The following AP3S2 variants were observed in gnomAD, a reference collection of about 807,000 sequenced individuals.
AP3S2 encodes the protein AP-3 complex subunit sigma-2.
In AP3S2, 22 loss-of-function variants were observed where a neutral mutation model predicts 23.4. The ratio of observed to expected loss-of-function variants is 0.94; its 90% CI spans 0.67 to 1.34. AP3S2 has a LOEUF of 1.34. AP3S2 is among the 40% of genes most tolerant of loss of function. The probability of loss-of-function intolerance (pLI) is 0.00; values close to 1 mark genes in which losing one functional copy is unlikely to be tolerated. For synonymous variants in AP3S2, 86 were observed against 87.1 expected (o/e 0.99, Z 0.07); for missense variants, 241 against 236.9 (o/e 1.02, Z -0.11).
intron 4 of AP3S2, among the ~76,000 whole-genome samples, chr15:89,839,856 T>C (rs1895285460): frequency 6.6e-6 from 1 of 152,158 alleles, no homozygotes; most frequent in Admixed American, 6.5e-5. Flanking sequence ...TTCTTTTTTT[T>C]TTTTTCATCT....
At chr15:89,879,742 A>C (rs1896526429) in intron 3 of AP3S2, among the ~76,000 whole-genome samples, 1 of 151,984 alleles carries the variant, frequency 6.6e-6, no homozygotes, top group African/African-American at 2.4e-5. Context: ...AGTAGCTGGG[A>C]CTACAGGCAC....
intron 4 of AP3S2, among the ~76,000 whole-genome samples, chr15:89,855,822 C>T (rs1438093615): frequency 6.9e-6 from 1 of 145,798 alleles, no homozygotes; most frequent in African/African-American, 2.5e-5. Context: ...TGCACTCCAG[C>T]CTGGGCAACA....
intron 4 of AP3S2, among the ~76,000 whole-genome samples, chr15:89,853,493 C>A (rs1409799336): frequency 6.6e-6 from 1 of 152,076 alleles, no homozygotes; most frequent in Non-Finnish European, 1.5e-5. Flanking sequence ...TAAATGGTAC[C>A]CAAAAAGTGA....
chr15:89,838,784 G>A (rs747121388), intron 4 of AP3S2, among the ~76,000 whole-genome samples: 3 of 152,152 alleles, frequency 2.0e-5, no homozygotes, highest in African/African-American at 2.4e-5. Flanking sequence ...ATGGAAGCTG[G>A]GCTCTGACAT....
At chr15:89,858,867 T>G (rs550407335) in intron 4 of AP3S2, among the ~76,000 whole-genome samples, 2 of 152,176 alleles carry the variant, frequency 1.3e-5, no homozygotes, top group Non-Finnish European at 2.9e-5. Context: ...TAACCAGTAA[T>G]AAGGAATGAC....
At chr15:89,889,291 A>T in intron 1 of AP3S2, 151 bp from the exon 2 acceptor site, 1 of 809,472 alleles carries the variant, frequency 1.2e-6, no homozygotes, top group Non-Finnish European at 1.9e-6. Flanking sequence ...ATGAGAAAAA[A>T]TAGGAGTGAA....
At chr15:89,888,417 C>A in intron 3 of AP3S2, 104 bp downstream of exon 3, 2 of 1,080,002 alleles carry the variant, frequency 1.9e-6, no homozygotes, top group Non-Finnish European at 2.7e-6. Flanking sequence ...GCAACTTTTA[C>A]TAGTATCAAT....
At chr15:89,855,007 C>G (rs1895789493) in intron 4 of AP3S2, among the ~76,000 whole-genome samples, 3 of 97,488 alleles carry the variant, frequency 3.1e-5, no homozygotes, top group African/African-American at 7.6e-5. Context: ...TGCCCGGCCA[C>G]CACCCCGTCT....
chr15:89,878,182 G>C, intron 3 of AP3S2: 1 of 593,992 alleles, frequency 1.7e-6, no homozygotes, highest in East Asian at 3.0e-5. Context: ...GCACAAATAA[G>C]CTGGGTGGTG....
chr15:89,868,235 G>C (rs1407624536), intron 4 of AP3S2, among the ~76,000 whole-genome samples: 1 of 52,912 alleles, frequency 1.9e-5, no homozygotes, highest in African/African-American at 6.4e-5. Flanking sequence ...CCCTCCGCCC[G>C]GCCAGCCGCC....
intron 5 of AP3S2, 101 bp from the exon 6 acceptor site, chr15:89,835,744 C>T (rs2141831364): frequency 6.8e-7 from 1 of 1,467,440 alleles, no homozygotes; most frequent in South Asian, 1.4e-5. Flanking sequence ...AACAAACAAG[C>T]AGGATGGGTG....
chr15:89,841,970 A>G (rs985191604), intron 4 of AP3S2, among the ~76,000 whole-genome samples: 1 of 152,184 alleles, frequency 6.6e-6, no homozygotes, highest in Non-Finnish European at 1.5e-5. Flanking sequence ...TACACAAAGA[A>G]AAAAAGAAAA....
At chr15:89,842,855 C>G (rs543825202) in intron 4 of AP3S2, among the ~76,000 whole-genome samples, 4 of 152,208 alleles carry the variant, frequency 2.6e-5, no homozygotes, top group Non-Finnish European at 4.4e-5. Context: ...TTGTGATCCG[C>G]CCACCTTGGC....
At chr15:89,886,944 G>A (rs961533863) in intron 3 of AP3S2, among the ~76,000 whole-genome samples, 1 of 152,062 alleles carries the variant, frequency 6.6e-6, no homozygotes, top group African/African-American at 2.4e-5. Context: ...ACAGGCATAT[G>A]CCACCAGGCC....
intron 4 of AP3S2, chr15:89,850,700 C>A: frequency 6.8e-6 from 1 of 147,716 alleles, no homozygotes; most frequent in Middle Eastern, 8.7e-4. Context: ...AGGTTCAAGG[C>A]ATTCACTGAT....
Position 89,835,320 on chromosome 15 carries a change from G to C in AP3S2, c.*195C>G. The C allele has an allele frequency of 1.1e-6, 1 of 904,460 alleles. No individual in the cohort carries two copies. The highest frequency in any genetic ancestry group is 1.6e-6 in the Non-Finnish European group (1 of 615,110). The allele number at this position is 904,460 out of a possible 1,614,324, so 56.0% of individuals were successfully genotyped here. A position where few individuals can be genotyped will look rare whatever the true frequency, so the allele number is the denominator to read the frequency against. ...GAGAACGGCATGACTGCACATGTGAGAACTGGGTGCACCCGAGCAGTGTCA... is the reference window on the plus strand; with the variant it reads ...GAGAACGGCATGACTGCACATGTGACAACTGGGTGCACCCGAGCAGTGTCA... On this transcript the variant is annotated 3_prime_UTR_variant, in exon 6 of 6. Transcript: ENST00000336418.
At chr15:89,889,210 C>A in intron 1 of AP3S2, 70 bp from the exon 2 acceptor site, 1 of 1,537,932 alleles carries the variant, frequency 6.5e-7, no homozygotes, top group Non-Finnish European at 9.0e-7. Context: ...TGGGGATGGA[C>A]AAGGGAAGAA....
chr15:89,858,509 GAGAGAGAGAGAGAGAGAAAGAA>G (rs1895911337), intron 4 of AP3S2, among the ~76,000 whole-genome samples: 4 of 127,764 alleles, frequency 3.1e-5, no homozygotes, highest in Middle Eastern at 3.8e-3. Context: ...GAGAGAGAGA[GAGAGAGAGAGAGAGAGAAAGAA>G]AGAAAGAAAG....
chr15:89,892,902 G>A (rs1896852594), intron 1 of AP3S2, among the ~76,000 whole-genome samples: 1 of 152,184 alleles, frequency 6.6e-6, no homozygotes, highest in Admixed American at 6.5e-5. Context: ...CTGACCTCGT[G>A]ATCCGCCCGC....
Sources: allele counts gnomAD v4.1 joint callset (sites outside exome capture counted in the v4.1 genomes callset), GRCh38; gene constraint gnomAD v4.1.1; transcripts MANE v1.5; gene names NCBI Gene and HGNC (gene_info 2026-07-23, HGNC 2026-07-21).